The following DLGAP2 variants were observed in gnomAD, a reference collection of about 807,000 sequenced individuals.
DLGAP2 encodes the protein disks large-associated protein 2.
DLGAP2 carries 26 observed loss-of-function variants against 100.3 expected under a neutral mutation model. The ratio of observed to expected loss-of-function variants is 0.26; its 90% CI spans 0.19 to 0.36. DLGAP2 has a LOEUF of 0.36. Among genes scored for constraint, DLGAP2 ranks in the 10% least tolerant of loss-of-function variants. DLGAP2 has a pLI of 1.00. For missense variants in DLGAP2, 1,858 were observed against 1,453.2 expected (o/e 1.28, Z -4.53); for synonymous variants, 886 against 630.1 (o/e 1.41, Z -6.08).
intron 3 of DLGAP2, among the ~76,000 whole-genome samples, chr8:1,324,983 A>C (rs1400534095): frequency 6.6e-6 from 1 of 152,254 alleles, no homozygotes; most frequent in Non-Finnish European, 1.5e-5. Flanking sequence ...CGGATTCACA[A>C]ATATCCGAAA....
chr8:1,069,830 G>C (rs549210998), intron 2 of DLGAP2, among the ~76,000 whole-genome samples: 1 of 152,182 alleles, frequency 6.6e-6, no homozygotes, highest in Non-Finnish European at 1.5e-5. Context: ...GGAGGATGCT[G>C]TGAGGGCCTG....
intron 3 of DLGAP2, among the ~76,000 whole-genome samples, chr8:1,425,715 G>A (rs1266824207): frequency 6.6e-6 from 1 of 152,168 alleles, no homozygotes; most frequent in African/African-American, 2.4e-5. Flanking sequence ...ACTGGCCCCT[G>A]TGGGCTCATG....
At chr8:897,355 A>G (rs561578173) in intron 1 of DLGAP2, among the ~76,000 whole-genome samples, 2 of 152,270 alleles carry the variant, frequency 1.3e-5, no homozygotes, top group African/African-American at 4.8e-5. Context: ...GATTGTGCCG[A>G]TGTATCTGCA....
At chr8:1,522,442 A>G (rs1425787148) in intron 4 of DLGAP2, among the ~76,000 whole-genome samples, 1 of 152,200 alleles carries the variant, frequency 6.6e-6, no homozygotes, top group Admixed American at 6.5e-5. Context: ...TGCTCAGAGC[A>G]CGGGATCCAC....
At chr8:943,079 A>G (rs984735318) in intron 2 of DLGAP2, among the ~76,000 whole-genome samples, 1 of 152,208 alleles carries the variant, frequency 6.6e-6, no homozygotes, top group Non-Finnish European at 1.5e-5. Context: ...CTTTCAGAAG[A>G]AAATCAGGTG....
chr8:1,431,938 A>G (rs1473568843), intron 3 of DLGAP2, among the ~76,000 whole-genome samples: 1 of 149,428 alleles, frequency 6.7e-6, no homozygotes, highest in Non-Finnish European at 1.5e-5. Flanking sequence ...GGCACCCAGC[A>G]CCCCATGCCA....
chr8:1,567,151 G>A (rs560809054), intron 6 of DLGAP2, among the ~76,000 whole-genome samples: 8 of 152,216 alleles, frequency 5.3e-5, no homozygotes, highest in Non-Finnish European at 1.2e-4. Context: ...GGAAGGGGTT[G>A]GGGAGCTGGA....
intron 4 of DLGAP2, among the ~76,000 whole-genome samples, chr8:1,507,549 C>G (rs983249293): frequency 5.3e-5 from 8 of 152,156 alleles, no homozygotes; most frequent in Non-Finnish European, 1.2e-4. Flanking sequence ...GCTCCGGCCT[C>G]GGCCAGCCCC....
intron 1 of DLGAP2, among the ~76,000 whole-genome samples, chr8:744,724 T>A (rs1181162263): frequency 1.3e-5 from 2 of 152,176 alleles, no homozygotes; most frequent in Admixed American, 6.5e-5. Flanking sequence ...CTTCCCACGG[T>A]CACTCCCTGT....
chr8:1,037,198 C>T (rs1802153317), intron 2 of DLGAP2, among the ~76,000 whole-genome samples: 1 of 152,124 alleles, frequency 6.6e-6, no homozygotes, highest in Non-Finnish European at 1.5e-5. Flanking sequence ...CTTGAGCGTC[C>T]CCTGCCGTCC....
intron 3 of DLGAP2, among the ~76,000 whole-genome samples, chr8:1,303,633 C>T (rs990851550): frequency 6.6e-6 from 1 of 152,114 alleles, no homozygotes; most frequent in Non-Finnish European, 1.5e-5. Context: ...CCATCCATGC[C>T]TCTGAACACA....
At chr8:1,537,720 TGAAA>T (rs1300989412) in intron 4 of DLGAP2, among the ~76,000 whole-genome samples, 12 of 132,436 alleles carry the variant, frequency 9.1e-5, no homozygotes, top group African/African-American at 3.2e-4. Context: ...GATGGATGGA[TGAAA>T]GGATGGAAGG....
At chr8:1,085,532 C>T (rs1803947414) in intron 2 of DLGAP2, among the ~76,000 whole-genome samples, 1 of 152,156 alleles carries the variant, frequency 6.6e-6, no homozygotes, top group African/African-American at 2.4e-5. Flanking sequence ...AGAGACTGTG[C>T]TTTTCCCGTG....
chr8:1,293,383 G>A lies in DLGAP2; in HGVS notation c.106+34500G>A, dbSNP rs1267371250. Among the ~76,000 whole-genome samples, 51 of 150,826 alleles carry A rather than the reference G, an allele frequency of 3.4e-4. 1 individual carries two copies. The highest frequency in any genetic ancestry group is 3.2e-3 in the Admixed American group (48 of 15,152). Reference sequence around the variant, plus strand: ...CCCTTTTCTGGGCTCCCGGACGGCTGAGCCATGGCTCCTTCCCTGGCAGCA... The same window carrying A: ...CCCTTTTCTGGGCTCCCGGACGGCTAAGCCATGGCTCCTTCCCTGGCAGCA... On this transcript the variant is annotated intron_variant, in intron 3 of 14. Transcript: ENST00000637795.
intron 2 of DLGAP2, among the ~76,000 whole-genome samples, chr8:1,255,716 GTGTGTGTCCTCTCCTGCCCGAGCACTGTA>G (rs1206805077): frequency 2.2e-5 from 3 of 136,358 alleles, no homozygotes; most frequent in South Asian, 2.4e-4. Context: ...TGGGAGCTGT[GTGTGTGTCCTCTCCTGCCCGAGCACTGTA>G]TGTGTGTCCT....
At chr8:1,217,652 C>T (rs1022029290) in intron 2 of DLGAP2, among the ~76,000 whole-genome samples, 2 of 152,050 alleles carry the variant, frequency 1.3e-5, no homozygotes, top group African/African-American at 4.8e-5. Flanking sequence ...GGAATTTTAA[C>T]CTCCCTGGTT....
At chr8:987,373 T>C (rs1349837755) in intron 2 of DLGAP2, among the ~76,000 whole-genome samples, 1 of 152,264 alleles carries the variant, frequency 6.6e-6, no homozygotes, top group Admixed American at 6.5e-5. Context: ...TGGCCTGGCT[T>C]GCACACCTGT....
chr8:1,508,815 G>A (rs1027966369), intron 4 of DLGAP2, among the ~76,000 whole-genome samples: 16 of 151,870 alleles, frequency 1.1e-4, no homozygotes, highest in African/African-American at 3.1e-4. Context: ...GGGGAAGACG[G>A]GGAAGACGGG....
At chr8:1,314,039 C>A (rs920181196) in intron 3 of DLGAP2, among the ~76,000 whole-genome samples, 1 of 152,182 alleles carries the variant, frequency 6.6e-6, no homozygotes, top group Non-Finnish European at 1.5e-5. Flanking sequence ...CTTTAGAATT[C>A]GTAGCAACAC....
Sources: allele counts gnomAD v4.1 joint callset (sites outside exome capture counted in the v4.1 genomes callset), GRCh38; gene constraint gnomAD v4.1.1; transcripts MANE v1.5; gene names NCBI Gene and HGNC (gene_info 2026-07-23, HGNC 2026-07-21).